Variants in CRK observed in about 807,000 individuals in gnomAD.
CRK encodes CRK proto-oncogene, adaptor protein.
CRK carries 4 observed loss-of-function variants against 29.8 expected under a neutral mutation model. The observed-to-expected ratio is 0.13, with a 90% CI of 0.07 to 0.31. CRK has a LOEUF of 0.31. CRK is among the 10% of genes least tolerant of loss of function. The pLI, the probability that CRK is intolerant of heterozygous loss-of-function variation, is 1.00. For synonymous variants in CRK, 153 were observed against 164.9 expected (o/e 0.93, Z 0.55); for missense variants, 274 against 396.5 (o/e 0.69, Z 2.62).
chr17:1,439,606 AG>A (rs2073918601), intron 1 of CRK, among the ~76,000 whole-genome samples: 1 of 152,112 alleles, frequency 6.6e-6, no homozygotes, highest in Non-Finnish European at 1.5e-5. Flanking sequence ...CCCAGCACTT[AG>A]GGAAGCTGAG....
chr17:1,427,474 T>A (rs923526539), intron 2 of CRK, among the ~76,000 whole-genome samples: 1 of 151,412 alleles, frequency 6.6e-6, no homozygotes, highest in Admixed American at 6.6e-5. Context: ...GCGCCTGTAG[T>A]CCCACCTACT....
chr17:1,424,308 A>T (rs911856462), intron 2 of CRK, among the ~76,000 whole-genome samples: 3 of 151,964 alleles, frequency 2.0e-5, no homozygotes, highest in Admixed American at 2.0e-4. Flanking sequence ...CTTGTGATCC[A>T]CCTGCCTTGG....
intron 1 of CRK, among the ~76,000 whole-genome samples, chr17:1,453,395 G>C (rs533287615): frequency 1.3e-5 from 2 of 152,252 alleles, no homozygotes; most frequent in South Asian, 4.2e-4. Flanking sequence ...ACAAACAAAA[G>C]GCTGAAAAGT....
chr17:1,452,798 A>T (rs1355279637), intron 1 of CRK, among the ~76,000 whole-genome samples: 1 of 140,622 alleles, frequency 7.1e-6, no homozygotes, highest in East Asian at 2.0e-4. Context: ...TCTCAAAAAG[A>T]AAAAAAAAAA....
In CRK at chr17:1,436,783, T is replaced by G; in HGVS notation, c.614A>C (p.Gln205Pro). ...ASVSALIGGN[Q>P]EGSHPQPLGG... ...CAGTGGCTGTGGGTGGGAACCCTCC[T>G]GGTTACCTCCAATCAGAGCCGATAC... Residue 205 changes from glutamine (Q) to proline (P), a missense_variant, in exon 2 of 3, where the codon CAG becomes CCG. Gln to Pro is a moderately conservative substitution (Grantham distance 76). Transcript: ENST00000300574. The G allele has an allele frequency of 6.3e-7, 1 of 1,584,350 alleles. No homozygotes were observed. The highest frequency in any genetic ancestry group is 8.6e-7 in the Non-Finnish European group (1 of 1,167,392).
At chr17:1,430,387 C>G (rs548667744) in intron 2 of CRK, among the ~76,000 whole-genome samples, 47 of 140,958 alleles carry the variant, frequency 3.3e-4, no homozygotes, top group Admixed American at 2.1e-3. Context: ...GACAGAGTCT[C>G]GCTCTGTCGC....
chr17:1,444,861 C>T (rs2073962490), intron 1 of CRK, among the ~76,000 whole-genome samples: 1 of 143,496 alleles, frequency 7.0e-6, no homozygotes, highest in Admixed American at 7.1e-5. Flanking sequence ...AAAAGAATGG[C>T]ATAGGGGCCA....
chr17:1,447,299 T>C (rs1380939352), intron 1 of CRK, among the ~76,000 whole-genome samples: 1 of 151,972 alleles, frequency 6.6e-6, no homozygotes, highest in Non-Finnish European at 1.5e-5. Flanking sequence ...AAAACCTCAA[T>C]GACTTGTTCT....
At chr17:1,436,070 C>G (rs2073884073) in intron 2 of CRK, among the ~76,000 whole-genome samples, 2 of 152,160 alleles carry the variant, frequency 1.3e-5, no homozygotes, top group South Asian at 4.1e-4. Flanking sequence ...GACCCGTGCA[C>G]CTGCCACTCC....
At chr17:1,440,427 C>T (rs560763305) in intron 1 of CRK, among the ~76,000 whole-genome samples, 1 of 151,932 alleles carries the variant, frequency 6.6e-6, no homozygotes, top group South Asian at 2.1e-4. Context: ...CGTGTCAACG[C>T]ACTCCAGCCT....
At chr17:1,441,331 T>C (rs917273044) in intron 1 of CRK, among the ~76,000 whole-genome samples, 2 of 152,096 alleles carry the variant, frequency 1.3e-5, no homozygotes, top group African/African-American at 4.8e-5. Flanking sequence ...GTACATGATT[T>C]TGTTATTTCT....
At chr17:1,437,820 ATTTTTT>A (rs34817166) in intron 1 of CRK, among the ~76,000 whole-genome samples, 4 of 136,736 alleles carry the variant, frequency 2.9e-5, no homozygotes, top group African/African-American at 1.1e-4. Flanking sequence ...TGACAAGCTA[ATTTTTT>A]TTTTTTTTTT....
At chr17:1,424,301 G>A (rs1047732988) in intron 2 of CRK, among the ~76,000 whole-genome samples, 3 of 152,162 alleles carry the variant, frequency 2.0e-5, no homozygotes, top group Admixed American at 2.0e-4. Context: ...TCCTGACCTT[G>A]TGATCCACCT....
chr17:1,443,806 T>C (rs1489774549), intron 1 of CRK, among the ~76,000 whole-genome samples: 2 of 150,656 alleles, frequency 1.3e-5, no homozygotes, highest in African/African-American at 2.4e-5. Flanking sequence ...TTCATGCAAT[T>C]CTCCTGCCTC....
At position 1,436,710 on chromosome 17, in the gene CRK, C is replaced by T. The variant is rs777117472; in HGVS notation, c.687G>A (p.Pro229=). Residue 229 remains proline (P), a synonymous_variant, in exon 2 of 3, where the codon CCG becomes CCA. Coordinates refer to ENST00000300574, the MANE Select transcript of CRK (RefSeq NM_016823.4). ...GPYAQPSVNT[P]LPNLQNGPIY... ...TGGGCCCATTCTGGAGGTTAGGGAG[C>T]GGAGTGTTGACGCTGGGTTGGGCAT... 6 of 1,610,824 alleles carry T rather than the reference C, an allele frequency of 3.7e-6. No individual in the cohort carries two copies. Among genetic ancestry groups the T allele is most frequent in the Middle Eastern group, 1.7e-4 (1 of 6,028 alleles).
intron 1 of CRK, among the ~76,000 whole-genome samples, chr17:1,437,437 T>C (rs1423873071): frequency 6.6e-6 from 1 of 152,010 alleles, no homozygotes; most frequent in African/African-American, 2.4e-5. Flanking sequence ...ACCCCTTCTC[T>C]TCACAGCACA....
rs562515421 is a variant in CRK, at chr17:1,427,030, C to CAAAA, written c.778-3384_778-3381dup. On this transcript the variant is annotated intron_variant, in intron 2 of 2. Transcript: ENST00000300574. The stretch of plus-strand genomic sequence containing the variant: ...CTGGGCGACAGAGCAAAACTGTCTC[C>CAAAA]AAAAAAAAAAAAAAAAAAAAAAAAA... 1.3e-3 allele frequency among the ~76,000 whole-genome samples: 46 copies of CAAAA among 35,304 alleles called. 1 individual carries two copies. The highest frequency in any genetic ancestry group is 3.5e-3 in the South Asian group (2 of 576). The allele number at this position is 35,304 out of a possible 152,430, so 23.2% of individuals were successfully genotyped here. A position where few individuals can be genotyped will look rare whatever the true frequency, so the allele number is the denominator to read the frequency against.
chr17:1,444,717 C>T (rs942101405), intron 1 of CRK, among the ~76,000 whole-genome samples: 9 of 151,728 alleles, frequency 5.9e-5, no homozygotes, highest in African/African-American at 2.2e-4. Flanking sequence ...CCTGTAATCC[C>T]AGCTACTTGG....
intron 2 of CRK, among the ~76,000 whole-genome samples, chr17:1,435,426 T>G (rs966180762): frequency 2.0e-5 from 3 of 148,882 alleles, no homozygotes; most frequent in Non-Finnish European, 4.4e-5. Flanking sequence ...TTACATCTAG[T>G]GACTCAGTAA....
Sources: gnomAD v4.1 joint callset for allele counts (sites outside exome capture counted in the v4.1 genomes callset) on GRCh38, gnomAD v4.1.1 for gene constraint, MANE v1.5 for transcripts, NCBI Gene and HGNC (gene_info 2026-07-23, HGNC 2026-07-21) for gene names.